Variants in RFTN2 observed in about 807,000 individuals in gnomAD.
RFTN2 encodes raftlin-2.
Under a neutral mutation model 52.7 loss-of-function variants are expected in RFTN2, and 34 were observed. That is an observed-to-expected ratio of 0.64 (90% CI 0.49 to 0.86). The LOEUF (loss-of-function observed/expected upper bound fraction) is 0.86, where lower values mean the gene tolerates loss of function less well. RFTN2 is among the 40% of genes least tolerant of loss of function. RFTN2 has a pLI of 0.00. For missense variants in RFTN2, 536 were observed against 600.1 expected (o/e 0.89, Z 1.12); for synonymous variants, 203 against 217.7 (o/e 0.93, Z 0.59).
chr2:197,666,482 A>G (rs746666810), intron 1 of RFTN2, among the ~76,000 whole-genome samples: 7 of 152,208 alleles, frequency 4.6e-5, no homozygotes, highest in Non-Finnish European at 1.0e-4. Context: ...CCTGGCCTGT[A>G]AAGTTTCTGC....
At chr2:197,625,704 C>CTCTCCTCTCT (rs2088345714) in intron 5 of RFTN2, among the ~76,000 whole-genome samples, 2 of 140,288 alleles carry the variant, frequency 1.4e-5, no homozygotes, top group Non-Finnish European at 1.6e-5. Context: ...CTCTCCTCTC[C>CTCTCCTCTCT]TCTCCTCTCC....
intron 8 of RFTN2, among the ~76,000 whole-genome samples, chr2:197,595,133 A>C (rs573493565): frequency 1.3e-5 from 2 of 152,356 alleles, no homozygotes; most frequent in Non-Finnish European, 2.9e-5. Flanking sequence ...TGACTTGAGG[A>C]TCAGAATAGC....
chr2:197,615,143 G>A (rs2088121775), intron 7 of RFTN2, among the ~76,000 whole-genome samples: 1 of 152,230 alleles, frequency 6.6e-6, no homozygotes, highest in Non-Finnish European at 1.5e-5. Flanking sequence ...GGTGAGTGAA[G>A]TGGGTTAGAC....
intron 5 of RFTN2, among the ~76,000 whole-genome samples, chr2:197,618,637 T>C (rs947145619): frequency 3.4e-5 from 5 of 148,244 alleles, no homozygotes; most frequent in African/African-American, 1.0e-4. Flanking sequence ...ATCTAGGAAG[T>C]GAGGAGCGCC....
intron 7 of RFTN2, among the ~76,000 whole-genome samples, chr2:197,601,175 G>A (rs762629633): frequency 6.6e-6 from 1 of 152,204 alleles, no homozygotes; most frequent in South Asian, 2.1e-4. Flanking sequence ...CTGGAGCATA[G>A]GAGATGCTCA....
intron 8 of RFTN2, among the ~76,000 whole-genome samples, chr2:197,573,681 G>T (rs769175835): frequency 6.6e-5 from 10 of 152,242 alleles, no homozygotes; most frequent in Non-Finnish European, 1.2e-4. Flanking sequence ...AGGCAATGGA[G>T]AAAATGTCTC....
At position 197,633,746 on chromosome 2, in the gene RFTN2, A is replaced by G. The variant is rs546052549; in HGVS notation, c.690T>C (p.Pro230=). 6.2e-7 allele frequency: 1 copy of G among 1,613,560 alleles called. No individual in the cohort carries two copies. The highest frequency in any genetic ancestry group is 1.1e-5 in the South Asian group (1 of 91,044). ...CTCCCTTTCTTGATTTAGAGGAAGTAGGGCTGCCATTTTGTTCCATTTGAT... is the reference window on the plus strand; with the variant it reads ...CTCCCTTTCTTGATTTAGAGGAAGTGGGGCTGCCATTTTGTTCCATTTGAT... ...GQYQMEQNGS[P]TSSKSRKGEA... Residue 230 remains proline, a synonymous_variant, in exon 4 of 9, where the codon CCT becomes CCC. Coordinates refer to ENST00000295049, the MANE Select transcript of RFTN2 (RefSeq NM_144629.3).
At chr2:197,581,126 A>T (rs918032601) in intron 8 of RFTN2, among the ~76,000 whole-genome samples, 4 of 152,198 alleles carry the variant, frequency 2.6e-5, no homozygotes, top group African/African-American at 9.7e-5. Flanking sequence ...ACAGGCTTTA[A>T]GGGGATTAAA....
At chr2:197,606,684 CT>C (rs1348471795) in intron 7 of RFTN2, among the ~76,000 whole-genome samples, 1 of 151,498 alleles carries the variant, frequency 6.6e-6, no homozygotes. Context: ...TGAACAGACA[CT>C]TCTCAAAAGA....
intron 5 of RFTN2, among the ~76,000 whole-genome samples, chr2:197,618,800 T>C (rs7576083): frequency 2.2e-5 from 3 of 138,576 alleles, no homozygotes; most frequent in African/African-American, 5.4e-5. Flanking sequence ...TGAGGAGACC[T>C]TCTGCCTGGC....
At chr2:197,585,296 C>T (rs1339906941) in intron 8 of RFTN2, among the ~76,000 whole-genome samples, 5 of 152,192 alleles carry the variant, frequency 3.3e-5, no homozygotes, top group Non-Finnish European at 5.9e-5. Flanking sequence ...GTCATCCCTA[C>T]TGTCTTCTGA....
intron 1 of RFTN2, among the ~76,000 whole-genome samples, chr2:197,658,791 T>C (rs1041903654): frequency 6.6e-6 from 1 of 152,214 alleles, no homozygotes; most frequent in African/African-American, 2.4e-5. Flanking sequence ...TACTGTTAAA[T>C]TGATGCTACA....
intron 8 of RFTN2, among the ~76,000 whole-genome samples, chr2:197,585,922 C>A (rs2087588712): frequency 6.6e-6 from 1 of 152,156 alleles, no homozygotes; most frequent in South Asian, 2.1e-4. Flanking sequence ...CCTCACAACA[C>A]AAACTACTAT....
At chr2:197,631,281 A>T in intron 4 of RFTN2, 61 bp from the exon 5 acceptor site, 1 of 1,188,326 alleles carries the variant, frequency 8.4e-7, no homozygotes, top group Non-Finnish European at 1.2e-6. Context: ...AAGATTCTTA[A>T]TTTTTTCACT....
chr2:197,675,168 T>C (rs1283327444), intron 1 of RFTN2, 152 bp downstream of exon 1: 3 of 553,646 alleles, frequency 5.4e-6, no homozygotes, highest in Non-Finnish European at 8.4e-6. Flanking sequence ...AACAAAAATC[T>C]TACAAAGTAT....
rs550245334 is a variant in RFTN2, at chr2:197,638,563, C to A, written c.439-4566G>T. ...TTTATCAGAGACTAGGATTGCAACC[C>A]TTGCCTTTTTTTGTTTTCCATTTGC... On this transcript the variant is annotated intron_variant, in intron 3 of 8. Transcript: ENST00000295049. Among the ~76,000 whole-genome samples the A allele has an allele frequency of 7.5e-3, 618 of 82,290 alleles. 7 individuals are homozygous for A. Among genetic ancestry groups the A allele is most frequent in the South Asian group, 0.016 (41 of 2,510 alleles). The allele number at this position is 82,290 out of a possible 152,430, so 54.0% of individuals were successfully genotyped here.
chr2:197,597,532 T>C lies in RFTN2; in HGVS notation c.1155-1463A>G, dbSNP rs566139673. Among the ~76,000 whole-genome samples, 514 of 152,252 alleles carry C rather than the reference T, an allele frequency of 3.4e-3. 3 individuals carry two copies. Among genetic ancestry groups the C allele is most frequent in the Non-Finnish European group, 5.4e-3 (366 of 68,012 alleles). On this transcript the variant is annotated intron_variant, in intron 7 of 8. Transcript: ENST00000295049. ...GTTTTCTTTTTCTTTCTTTCTTTTT[T>C]TTTTGAGATGGAGTTTTGCTTTTGT...
intron 7 of RFTN2, among the ~76,000 whole-genome samples, chr2:197,612,011 T>C (rs2088069311): frequency 6.6e-6 from 1 of 152,218 alleles, no homozygotes; most frequent in South Asian, 2.1e-4. Context: ...TTACATTTGC[T>C]GAGGAGTGCT....
intron 5 of RFTN2, among the ~76,000 whole-genome samples, chr2:197,626,633 T>C (rs866544292): frequency 2.9e-5 from 4 of 139,344 alleles, no homozygotes; most frequent in Admixed American, 7.1e-5. Context: ...TTTTTTTTTT[T>C]TTTTTTGAGA....
Sources: gnomAD v4.1 joint callset for allele counts (sites outside exome capture counted in the v4.1 genomes callset) on GRCh38, gnomAD v4.1.1 for gene constraint, MANE v1.5 for transcripts, NCBI Gene and HGNC (gene_info 2026-07-23, HGNC 2026-07-21) for gene names.